The following PHACTR1 variants were observed in gnomAD, a reference collection of about 807,000 sequenced individuals.
PHACTR1 encodes the protein phosphatase and actin regulator 1, also known as RPEL repeat containing 1.
A neutral mutation model predicts 69.2 loss-of-function variants in PHACTR1; 16 were observed. That is an observed-to-expected ratio of 0.23 (90% CI 0.16 to 0.35). The LOEUF (loss-of-function observed/expected upper bound fraction) is 0.35. Among genes scored for constraint, PHACTR1 ranks in the 10% least tolerant of loss-of-function variants. The pLI is 1.00. For synonymous variants in PHACTR1, 312 were observed against 284.5 expected, an observed-to-expected ratio of 1.10 and a Z score of -0.97; for missense variants, 510 against 734.7, an observed-to-expected ratio of 0.69 and a Z score of 3.54.
intron 4 of PHACTR1, among the ~76,000 whole-genome samples, chr6:12,914,290 T>G (rs943296375): frequency 3.9e-5 from 6 of 152,118 alleles, no homozygotes; most frequent in African/African-American, 1.4e-4. Flanking sequence ...GAGCCACTGC[T>G]CCCAACAGAG....
At chr6:13,090,886 A>G (rs1409929216) in intron 5 of PHACTR1, among the ~76,000 whole-genome samples, 1 of 152,150 alleles carries the variant, frequency 6.6e-6, no homozygotes, top group African/African-American at 2.4e-5. Flanking sequence ...ATTTAAGCAC[A>G]TTACATTTAT....
intron 4 of PHACTR1, among the ~76,000 whole-genome samples, chr6:12,779,724 C>T (rs1177468030): frequency 6.6e-6 from 1 of 152,114 alleles, no homozygotes; most frequent in East Asian, 1.9e-4. Context: ...TCTTGTTATG[C>T]CATAGGGTCC....
At chr6:13,252,137 G>A (rs1774515809) in intron 10 of PHACTR1, among the ~76,000 whole-genome samples, 1 of 149,724 alleles carries the variant, frequency 6.7e-6, no homozygotes, top group Admixed American at 6.7e-5. Flanking sequence ...TTGGGAGGCT[G>A]AGGTGGGCAG....
Position 12,988,719 on chromosome 6 carries a change from G to A in PHACTR1, c.251-64646G>A, listed in dbSNP as rs59027606. Among the ~76,000 whole-genome samples, 498 of 152,294 alleles carry A rather than the reference G, an allele frequency of 3.3e-3. 1 individual carries two copies. Among genetic ancestry groups the A allele is most frequent in the African/African-American group, 0.012 (484 of 41,562 alleles). ...ATAGATAGTGGGAAAAACACTGGTT[G>A]GCCAAGACAGTCATGTTCGAATTTC... On this transcript the variant is annotated intron_variant, in intron 4 of 14. Coordinates refer to ENST00000332995, the MANE Select transcript of PHACTR1 (RefSeq NM_030948.6).
intron 4 of PHACTR1, among the ~76,000 whole-genome samples, chr6:12,955,901 A>G (rs1352358781): frequency 3.3e-5 from 5 of 152,194 alleles, no homozygotes; most frequent in African/African-American, 7.2e-5. Flanking sequence ...AAGAACAGTC[A>G]TTACCCCATG....
chr6:12,916,313 C>A (rs1448196548), intron 4 of PHACTR1, among the ~76,000 whole-genome samples: 1 of 152,194 alleles, frequency 6.6e-6, no homozygotes, highest in Non-Finnish European at 1.5e-5. Context: ...CTACTTCAAA[C>A]CAACTCACCG....
At chr6:12,736,920 C>A (rs562970945) in intron 3 of PHACTR1, among the ~76,000 whole-genome samples, 2 of 151,874 alleles carry the variant, frequency 1.3e-5, no homozygotes, top group Non-Finnish European at 2.9e-5. Flanking sequence ...TGTCTGTGTG[C>A]GTATCTGTGT....
At chr6:12,723,701 G>A (rs901124323) in intron 3 of PHACTR1, among the ~76,000 whole-genome samples, 16 of 151,928 alleles carry the variant, frequency 1.1e-4, no homozygotes, top group Admixed American at 1.0e-3. Flanking sequence ...TTCCCAGGCT[G>A]GTCTTAAACT....
In PHACTR1 at chr6:13,088,511, C is replaced by A. The variant is rs1322621204; in HGVS notation, c.415+34982C>A. 2.0e-5 allele frequency among the ~76,000 whole-genome samples: 3 copies of A among 152,096 alleles called. No homozygotes were observed. In the East Asian group the frequency reaches 5.8e-4, roughly 29 times the overall value. On this transcript the variant is annotated intron_variant, in intron 5 of 14. Coordinates refer to ENST00000332995, the MANE Select transcript of PHACTR1 (RefSeq NM_030948.6). Reference sequence around the variant, plus strand: ...GTTTATTGATCCATTTAATTATATTCCCAAACTTTTTTTGAGTAATGACTA... The same window carrying A: ...GTTTATTGATCCATTTAATTATATTACCAAACTTTTTTTGAGTAATGACTA...
intron 4 of PHACTR1, among the ~76,000 whole-genome samples, chr6:12,835,886 A>G (rs533402389): frequency 7.0e-4 from 106 of 152,310 alleles, no homozygotes; most frequent in Admixed American, 1.6e-3. Flanking sequence ...ATAACTGCAA[A>G]TGAAATTTCA....
chr6:12,928,186 C>T (rs988934036), intron 4 of PHACTR1, among the ~76,000 whole-genome samples: 6 of 152,130 alleles, frequency 3.9e-5, no homozygotes, highest in Non-Finnish European at 8.8e-5. Flanking sequence ...ACAGGAGATG[C>T]GGCAGACACC....
intron 4 of PHACTR1, among the ~76,000 whole-genome samples, chr6:12,967,166 C>T (rs1793606161): frequency 6.6e-6 from 1 of 152,172 alleles, no homozygotes; most frequent in Admixed American, 6.5e-5. Context: ...TTTCCAAATA[C>T]AGCAAATGTT....
At chr6:13,192,329 A>G (rs981688804) in intron 7 of PHACTR1, among the ~76,000 whole-genome samples, 4 of 152,202 alleles carry the variant, frequency 2.6e-5, no homozygotes, top group African/African-American at 9.6e-5. Context: ...GTAGGATTGG[A>G]GGAGGAGGTT....
At position 12,945,597 on chromosome 6, in the gene PHACTR1, C is replaced by T. The variant is rs115357758; in HGVS notation, c.251-107768C>T. On this transcript the variant is annotated intron_variant, in intron 4 of 14. Transcript: ENST00000332995. Reference sequence around the variant, plus strand: ...TACGGGTTTCTAGAAAAAGAGGAATCTGGTGTTTAGGAAACACTGGGTAGC... The same window carrying T: ...TACGGGTTTCTAGAAAAAGAGGAATTTGGTGTTTAGGAAACACTGGGTAGC... 3.0e-3 allele frequency among the ~76,000 whole-genome samples: 452 copies of T among 152,280 alleles called. 2 individuals carry two copies. The highest frequency in any genetic ancestry group is 0.011 in the African/African-American group (442 of 41,564).
intron 4 of PHACTR1, among the ~76,000 whole-genome samples, chr6:12,906,356 G>A (rs1785733533): frequency 6.6e-6 from 1 of 152,120 alleles, no homozygotes; most frequent in South Asian, 2.1e-4. Flanking sequence ...GAGTGCTCAA[G>A]GGGTCAGCCT....
intron 6 of PHACTR1, among the ~76,000 whole-genome samples, chr6:13,177,361 T>TGC (rs1404292063): frequency 2.7e-5 from 3 of 111,860 alleles, no homozygotes; most frequent in Non-Finnish European, 5.7e-5. Context: ...GTCTCTCTCT[T>TGC]GCGCTCTCTC....
intron 7 of PHACTR1, among the ~76,000 whole-genome samples, chr6:13,192,389 A>C (rs1169236285): frequency 1.3e-5 from 2 of 152,230 alleles, no homozygotes; most frequent in Non-Finnish European, 2.9e-5. Context: ...TACAAGGCTT[A>C]TTATGTTCAA....
At chr6:13,080,086 C>A (rs866469959) in intron 5 of PHACTR1, among the ~76,000 whole-genome samples, 2 of 152,226 alleles carry the variant, frequency 1.3e-5, no homozygotes, top group Middle Eastern at 3.4e-3. Context: ...GTATAAGAAA[C>A]ATGCCACATA....
rs116248199 is a variant in PHACTR1 at position 13,028,615 on chromosome 6, A to C, written c.251-24750A>C. Among the ~76,000 whole-genome samples, 744 of 152,246 alleles carry C rather than the reference A, an allele frequency of 4.9e-3. 7 individuals are homozygous for C. Among genetic ancestry groups the C allele is most frequent in the African/African-American group, 0.016 (678 of 41,530 alleles). ...GACTGTTGACATTTTATGCTGGATA[A>C]TTCTTTACTATTGGGGAGTGTCAGG... On this transcript the variant is annotated intron_variant, in intron 4 of 14. Coordinates refer to ENST00000332995, the MANE Select transcript of PHACTR1 (RefSeq NM_030948.6).
Sources: gnomAD v4.1 joint callset for allele counts (sites outside exome capture counted in the v4.1 genomes callset) on GRCh38, gnomAD v4.1.1 for gene constraint, MANE v1.5 for transcripts, NCBI Gene and HGNC (gene_info 2026-07-23, HGNC 2026-07-21) for gene names.